The following ABHD5 variants were observed in gnomAD, a reference collection of about 807,000 sequenced individuals.
The protein encoded by ABHD5 is abhydrolase domain containing 5, lysophosphatidic acid acyltransferase, also known as 1-acylglycerol-3-phosphate O-acyltransferase ABHD5.
ABHD5 carries 30 observed loss-of-function variants against 44.9 expected under a neutral mutation model. The observed-to-expected ratio is 0.67, with a 90% CI of 0.50 to 0.91. The LOEUF is 0.91. Among genes scored for constraint, ABHD5 ranks in the 40% least tolerant of loss-of-function variants. The pLI is 0.00. For missense variants in ABHD5, 399 were observed against 423.4 expected (o/e 0.94, Z 0.50); for synonymous variants, 167 against 147.0 (o/e 1.14, Z -0.99).
In ABHD5 at chr3:43,702,357, A is replaced by G. The variant is rs978995454; in HGVS notation, c.276A>G (p.Ala92=). The change falls in exon 3 of 7, where the codon GCA becomes GCG. Residue 92 remains alanine, a synonymous_variant. Transcript: ENST00000644371. ...HGFGGGLGLW[A]LNFGDLCTNR... ...TTGGAGGAGGTCTTGGGCTCTGGGC[A>G]CTGAATTTTGGAGATCTTTGCACCA... is the stretch of plus-strand genomic sequence containing the variant. 4.3e-6 allele frequency: 7 copies of G among 1,614,046 alleles called. No individual in the cohort carries two copies. The highest frequency in any genetic ancestry group is 5.9e-6 in the Non-Finnish European group (7 of 1,180,020).
chr3:43,733,196 G>A (rs901196442), intron 7 of ABHD5, among the ~76,000 whole-genome samples: 13 of 152,186 alleles, frequency 8.5e-5, no homozygotes, highest in African/African-American at 3.1e-4. Flanking sequence ...AGCACCAGGA[G>A]ACTGGGATCC....
intron 3 of ABHD5, among the ~76,000 whole-genome samples, chr3:43,705,454 TACAC>T (rs1173315657): frequency 6.6e-6 from 1 of 152,142 alleles, no homozygotes; most frequent in Non-Finnish European, 1.5e-5. Context: ...TTCTAACATT[TACAC>T]ACACACACGT....
chr3:43,714,430 G>C (rs1320927303), intron 4 of ABHD5, among the ~76,000 whole-genome samples: 1 of 152,104 alleles, frequency 6.6e-6, no homozygotes, highest in Non-Finnish European at 1.5e-5. Context: ...ATCACGCCTG[G>C]GTGTCCTCGG....
intron 5 of ABHD5, among the ~76,000 whole-genome samples, chr3:43,716,447 A>G (rs1294838095): frequency 2.0e-5 from 3 of 152,160 alleles, no homozygotes; most frequent in Non-Finnish European, 4.4e-5. Context: ...GGCGAGATGC[A>G]GAGACAGCCT....
At chr3:43,725,836 G>A (rs1473368302), downstream of ABHD5, among the ~76,000 whole-genome samples, 6 of 151,472 alleles carry the variant, frequency 4.0e-5, no homozygotes, top group Non-Finnish European at 8.8e-5. Context: ...GTTCATTAAG[G>A]GCTGTTTCCT....
At chr3:43,691,302 C>A (rs2084375653) in intron 1 of ABHD5, 2 of 336,480 alleles carry the variant, frequency 5.9e-6, no homozygotes, top group Middle Eastern at 7.6e-4. Context: ...CTTGACCCCG[C>A]GCGGAGGGTC....
rs573038669 is a variant in ABHD5 at position 43,722,551 on chromosome 3, A to G, written c.*4019A>G. The G allele has an allele frequency of 6.6e-6, 1 of 152,302 alleles. No individual in the cohort carries two copies. The highest frequency in any genetic ancestry group is 2.1e-4 in the South Asian group (1 of 4,820). The allele number at this position is 152,302 out of a possible 1,614,324, so 9.4% of individuals were successfully genotyped here. ...CCTGTCAATGTTTTATATAATAAAC[A>G]TTTTTTGAAAAGGCAACTCTTAAAA... On this transcript the variant is annotated 3_prime_UTR_variant, in exon 7 of 7. Coordinates refer to ENST00000644371, the MANE Select transcript of ABHD5 (RefSeq NM_016006.6).
chr3:43,726,737 C>G (rs1323377240), downstream of ABHD5, among the ~76,000 whole-genome samples: 1 of 152,222 alleles, frequency 6.6e-6, no homozygotes, highest in African/African-American at 2.4e-5. Context: ...GGCTCAAACT[C>G]TAGTGTGCCT....
downstream of ABHD5, among the ~76,000 whole-genome samples, chr3:43,725,578 G>T (rs2084871793): frequency 6.6e-6 from 1 of 152,172 alleles, no homozygotes; most frequent in South Asian, 2.1e-4. Context: ...CCCATTGTTT[G>T]AAAATTTAGA....
intron 2 of ABHD5, among the ~76,000 whole-genome samples, chr3:43,699,983 C>G (rs535726369): frequency 1.4e-3 from 217 of 152,218 alleles, no homozygotes; most frequent in Non-Finnish European, 1.7e-3. Flanking sequence ...AGGGACACCC[C>G]CCCTGACTCT....
intron 1 of ABHD5, among the ~76,000 whole-genome samples, chr3:43,694,553 T>G (rs1391081271): frequency 6.6e-6 from 1 of 152,180 alleles, no homozygotes; most frequent in Non-Finnish European, 1.5e-5. Context: ...ACCTGTGGCT[T>G]CTTCAAGTGT....
chr3:43,725,091 C>T (rs867993102), downstream of ABHD5, among the ~76,000 whole-genome samples: 3 of 152,112 alleles, frequency 2.0e-5, no homozygotes, highest in South Asian at 2.1e-4. Flanking sequence ...TTGTGAGTCT[C>T]CGTAATTTAA....
chr3:43,727,584 T>C (rs2084886190), downstream of ABHD5, among the ~76,000 whole-genome samples: 1 of 152,188 alleles, frequency 6.6e-6, no homozygotes, highest in Non-Finnish European at 1.5e-5. Flanking sequence ...AAAATGGTGT[T>C]GTATTTGTAC....
chr3:43,706,045 T>C (rs914030530), intron 3 of ABHD5, among the ~76,000 whole-genome samples: 1 of 152,124 alleles, frequency 6.6e-6, no homozygotes, highest in Non-Finnish European at 1.5e-5. Flanking sequence ...AAACCTCATA[T>C]TAAGTTATGT....
Position 43,720,918 on chromosome 3 carries a change from AAAAAAAGCCTTGC to A in ABHD5, c.*2387_*2399del, listed in dbSNP as rs2084828413. 2 of 152,262 alleles carry A rather than the reference AAAAAAAGCCTTGC, an allele frequency of 1.3e-5. No homozygotes were observed. The highest frequency in any genetic ancestry group is 4.1e-4 in the South Asian group (2 of 4,828). 9.4% of individuals were successfully genotyped at this position (152,262 alleles called of 1,614,324 possible). On this transcript the variant is annotated 3_prime_UTR_variant, in exon 7 of 7. Transcript: ENST00000644371. Reference sequence around the variant, plus strand: ...CTTTTTTCTTCTGATTTTCCAAAAAAAAAAAAGCCTTGCCTAAGGTTGGTTTTAGAATATGATT... The same window carrying A: ...CTTTTTTCTTCTGATTTTCCAAAAAACTAAGGTTGGTTTTAGAATATGATT...
intron 3 of ABHD5, among the ~76,000 whole-genome samples, chr3:43,709,720 C>A (rs1486439627): frequency 6.6e-6 from 1 of 152,092 alleles, no homozygotes; most frequent in Non-Finnish European, 1.5e-5. Flanking sequence ...TCTTCCTTCC[C>A]CTACCCCAGA....
intron 7 of ABHD5, among the ~76,000 whole-genome samples, chr3:43,728,431 A>T (rs945427430): frequency 1.3e-5 from 2 of 152,226 alleles, no homozygotes; most frequent in African/African-American, 4.8e-5. Flanking sequence ...TACATTGCTG[A>T]TGAAAACTAT....
chr3:43,702,092 C>A, intron 2 of ABHD5, 123 bp from the exon 3 acceptor site: 2 of 820,800 alleles, frequency 2.4e-6, no homozygotes, highest in Non-Finnish European at 3.7e-6. Flanking sequence ...AAATAGCTGA[C>A]AATACAAGCT....
At chr3:43,711,376 C>T (rs569156816) in intron 3 of ABHD5, among the ~76,000 whole-genome samples, 1 of 152,312 alleles carries the variant, frequency 6.6e-6, no homozygotes, top group East Asian at 1.9e-4. Flanking sequence ...GGCCAGTGAT[C>T]TACATCATCT....
Sources: gnomAD v4.1 joint callset for allele counts (sites outside exome capture counted in the v4.1 genomes callset) on GRCh38, gnomAD v4.1.1 for gene constraint, MANE v1.5 for transcripts, NCBI Gene and HGNC (gene_info 2026-07-23, HGNC 2026-07-21) for gene names.